Variants in GASK1A observed in about 807,000 individuals in gnomAD.
The protein encoded by GASK1A is Golgi-associated kinase 1A.
A neutral mutation model predicts 41.2 loss-of-function variants in GASK1A; 40 were observed. The ratio of observed to expected loss-of-function variants is 0.97; its 90% CI spans 0.75 to 1.27. GASK1A has a LOEUF of 1.27. Ranked by LOEUF, GASK1A falls within the 50% of genes most tolerant of loss-of-function variation. GASK1A has a pLI of 0.00. For missense variants in GASK1A, 678 were observed against 745.1 expected, an observed-to-expected ratio of 0.91 and a Z score of 1.05; for synonymous variants, 316 against 307.1, an observed-to-expected ratio of 1.03 and a Z score of -0.30.
chr3:43,001,921 C>A (rs2089411294), intron 1 of GASK1A, among the ~76,000 whole-genome samples: 1 of 152,174 alleles, frequency 6.6e-6, no homozygotes, highest in African/African-American at 2.4e-5. Flanking sequence ...CTCTTTCCCA[C>A]CCGCAGTTGT....
intron 1 of GASK1A, among the ~76,000 whole-genome samples, chr3:42,995,496 T>G (rs531940302): frequency 1.3e-5 from 2 of 152,350 alleles, no homozygotes; most frequent in South Asian, 4.1e-4. Context: ...TTTAAAACAC[T>G]ACAAGCCAAA....
chr3:42,995,950 C>T (rs2089366878), intron 1 of GASK1A, among the ~76,000 whole-genome samples: 1 of 152,166 alleles, frequency 6.6e-6, no homozygotes, highest in African/African-American at 2.4e-5. Flanking sequence ...CAACAAATGA[C>T]AGGGTCTCCA....
intron 1 of GASK1A, among the ~76,000 whole-genome samples, chr3:43,008,276 G>A (rs1020338578): frequency 3.3e-5 from 5 of 152,202 alleles, no homozygotes; most frequent in Non-Finnish European, 5.9e-5. Context: ...TCTGGCATGG[G>A]AGATGCTCAA....
chr3:43,013,903 A>G (rs1332477213), intron 1 of GASK1A, among the ~76,000 whole-genome samples: 1 of 151,638 alleles, frequency 6.6e-6, no homozygotes, highest in Non-Finnish European at 1.5e-5. Flanking sequence ...GGGAAGTCAC[A>G]AGAAGTGGCT....
chr3:42,990,550 T>G (rs1478921355), intron 1 of GASK1A, among the ~76,000 whole-genome samples: 1 of 152,176 alleles, frequency 6.6e-6, no homozygotes, highest in African/African-American at 2.4e-5. Context: ...GGCCTCCATT[T>G]GAGCATTGAG....
chr3:43,037,311 G>A, intron 2 of GASK1A: 1 of 868,796 alleles, frequency 1.2e-6, no homozygotes, highest in Non-Finnish European at 2.0e-6. Context: ...TGATGACAGG[G>A]CTCCCAGCCA....
intron 2 of GASK1A, among the ~76,000 whole-genome samples, chr3:43,046,434 T>G (rs2089662378): frequency 6.6e-6 from 1 of 152,216 alleles, no homozygotes; most frequent in South Asian, 2.1e-4. Context: ...AAGAAATTTC[T>G]AAGCAGCAAA....
chr3:43,014,320 A>G (rs2089479289), intron 1 of GASK1A, among the ~76,000 whole-genome samples: 1 of 152,122 alleles, frequency 6.6e-6, no homozygotes, highest in African/African-American at 2.4e-5. Flanking sequence ...AGTCACAGGA[A>G]GAGGCAGTGG....
Position 43,054,196 on chromosome 3 carries a change from A to G in GASK1A, c.1413+553A>G, listed in dbSNP as rs150596381. ...AGAAGCAAGGTGCTTCCCCCGGGGA[A>G]GGGCTTCTCTATCTTCTCCTGCAGT... On this transcript the variant is annotated intron_variant, in intron 3 of 4. Coordinates refer to ENST00000430121, the MANE Select transcript of GASK1A (RefSeq NM_001129908.3). The G allele has an allele frequency of 9.4e-4, 187 of 199,488 alleles. 4 individuals carry two copies. The East Asian group carries it at 0.021, about 22-fold the overall frequency. 12.4% of individuals were successfully genotyped at this position (199,488 alleles called of 1,614,324 possible).
At chr3:42,990,348 T>G (rs914273127) in intron 1 of GASK1A, among the ~76,000 whole-genome samples, 2 of 123,056 alleles carry the variant, frequency 1.6e-5, no homozygotes, top group Non-Finnish European at 3.4e-5. Flanking sequence ...AGACCCCGTC[T>G]CAAAAAAAAA....
intron 1 of GASK1A, among the ~76,000 whole-genome samples, chr3:42,998,556 G>A (rs1289247874): frequency 2.0e-5 from 3 of 152,148 alleles, no homozygotes; most frequent in Non-Finnish European, 2.9e-5. Flanking sequence ...CCTAGGAGGC[G>A]GGTGCTAAAC....
intron 2 of GASK1A, chr3:43,037,426 C>T: frequency 1.1e-6 from 1 of 878,176 alleles, no homozygotes; most frequent in Non-Finnish European, 1.8e-6. Flanking sequence ...GCTCTGGAGG[C>T]AGCTGTCTTA....
Position 43,032,885 on chromosome 3 carries a change from A to G in GASK1A, c.622A>G (p.Asn208Asp). 1 of 1,550,828 alleles carries G rather than the reference A, an allele frequency of 6.4e-7. No individual in the cohort carries two copies. The highest frequency in any genetic ancestry group is 8.7e-7 in the Non-Finnish European group (1 of 1,146,984). Residue 208 changes from asparagine to aspartate, a missense_variant, in exon 2 of 5, where the codon AAC becomes GAC. Physicochemically the swap from Asn to Asp is conservative, Grantham distance 23. Coordinates refer to ENST00000430121, the MANE Select transcript of GASK1A (RefSeq NM_001129908.3). ...AGGCAGGGATCTGCTGGGAGCTGAG[A>G]ACAGAGCCTTGACTGGTGGGCAACA... ...AEGRDLLGAE[N>D]RALTGGQQAE...
chr3:43,006,875 A>G (rs1346357460), intron 1 of GASK1A, among the ~76,000 whole-genome samples: 4 of 152,212 alleles, frequency 2.6e-5, no homozygotes, highest in Admixed American at 2.6e-4. Flanking sequence ...AGCTGCATAA[A>G]TTGAATTCAG....
chr3:43,024,841 A>G (rs1252640101), intron 1 of GASK1A, among the ~76,000 whole-genome samples: 1 of 152,332 alleles, frequency 6.6e-6, no homozygotes, highest in East Asian at 1.9e-4. Flanking sequence ...GATCAAATCC[A>G]GTACAGAGTG....
rs116324616 is a variant in GASK1A, at chr3:43,049,568, C to A, written c.1291-3953C>A. On this transcript the variant is annotated intron_variant, in intron 2 of 4. Coordinates refer to ENST00000430121, the MANE Select transcript of GASK1A (RefSeq NM_001129908.3). ...TTCTTTGCCAAGCTGGACCAATCTT[C>A]TGGGCTTTGTGCATTGGCCTCTGGG... Among the ~76,000 whole-genome samples the A allele has an allele frequency of 7.8e-3, 1,187 of 151,582 alleles. 18 individuals carry two copies. Among genetic ancestry groups the A allele is most frequent in the African/African-American group, 0.027 (1,115 of 41,300 alleles).
intron 1 of GASK1A, among the ~76,000 whole-genome samples, chr3:43,007,401 C>G (rs2089441544): frequency 6.6e-6 from 1 of 152,218 alleles, no homozygotes; most frequent in South Asian, 2.1e-4. Flanking sequence ...AACAAACTTT[C>G]AGTCTTCTGC....
intron 1 of GASK1A, among the ~76,000 whole-genome samples, chr3:43,023,014 T>C (rs28548208): frequency 0.39 from 59,223 of 152,096 alleles, 11,913 homozygotes; most frequent in Non-Finnish European, 0.44. Flanking sequence ...ATAATTACCA[T>C]GTGTAGTAGG....
chr3:43,043,437 C>A (rs968310582), intron 2 of GASK1A, among the ~76,000 whole-genome samples: 1 of 152,166 alleles, frequency 6.6e-6, no homozygotes, highest in African/African-American at 2.4e-5. Context: ...AGGCAGTGAC[C>A]CTACTATATC....
Sources: gnomAD v4.1 joint callset for allele counts (sites outside exome capture counted in the v4.1 genomes callset) on GRCh38, gnomAD v4.1.1 for gene constraint, MANE v1.5 for transcripts, NCBI Gene and HGNC (gene_info 2026-07-23, HGNC 2026-07-21) for gene names.